Variants in SESN1 observed in about 807,000 individuals in gnomAD.
SESN1 encodes the protein sestrin-1.
A neutral mutation model predicts 59.3 loss-of-function variants in SESN1; 30 were observed. The observed-to-expected ratio is 0.51, with a 90% CI of 0.38 to 0.69. The LOEUF (loss-of-function observed/expected upper bound fraction) is 0.69. SESN1 is among the 30% of genes least tolerant of loss of function. SESN1 has a pLI of 0.00. For missense variants in SESN1, 566 were observed against 673.0 expected, an observed-to-expected ratio of 0.84 and a Z score of 1.76; for synonymous variants, 197 against 219.9, an observed-to-expected ratio of 0.90 and a Z score of 0.92.
intron 1 of SESN1, among the ~76,000 whole-genome samples, chr6:109,016,854 C>T (rs931717074): frequency 9.9e-5 from 15 of 151,956 alleles, no homozygotes; most frequent in Non-Finnish European, 1.8e-4. Context: ...ATATGATTTT[C>T]TTAATTTTTG....
At chr6:109,092,347 G>A (rs986917341) in intron 1 of SESN1, among the ~76,000 whole-genome samples, 3 of 152,126 alleles carry the variant, frequency 2.0e-5, no homozygotes, top group Admixed American at 6.5e-5. Flanking sequence ...TGGAATTTGA[G>A]CCCAACTCTG....
chr6:109,055,342 G>T (rs1201821928), intron 1 of SESN1, among the ~76,000 whole-genome samples: 3 of 152,002 alleles, frequency 2.0e-5, no homozygotes, highest in East Asian at 3.9e-4. Flanking sequence ...ATGTAGTTTG[G>T]TATTAATTAA....
In SESN1 at chr6:109,070,688, T is replaced by C. The variant is rs560451761; in HGVS notation, c.279+23107A>G. Among the ~76,000 whole-genome samples, 269 of 152,318 alleles carry C rather than the reference T, an allele frequency of 1.8e-3. 2 individuals are homozygous for C. Among genetic ancestry groups the C allele is most frequent in the Non-Finnish European group, 2.5e-3 (170 of 68,032 alleles). On this transcript the variant is annotated intron_variant, in intron 1 of 9. Transcript: ENST00000436639. ...TCACTTTAAATCAAAAATCTGAAAATGTAATCTCCAACCTAAAGGATTTTA... is the reference window on the plus strand; with the variant it reads ...TCACTTTAAATCAAAAATCTGAAAACGTAATCTCCAACCTAAAGGATTTTA...
rs912825996 is a variant in SESN1, at chr6:108,986,288, A to G, written c.*1256T>C. On this transcript the variant is annotated 3_prime_UTR_variant, in exon 10 of 10. Transcript: ENST00000436639. ...ATGGTCTCAGATAAGATTCTAAAGA[A>G]AGTCCACTCCTCTTTGTATGTTTCA... is the stretch of plus-strand genomic sequence containing the variant. The G allele has an allele frequency of 6.6e-5, 10 of 152,432 alleles. No individual in the cohort carries two copies. Among genetic ancestry groups the G allele is most frequent in the African/African-American group, 2.2e-4 (9 of 41,456 alleles). 9.4% of individuals were successfully genotyped at this position (152,432 alleles called of 1,614,324 possible). A position where few individuals can be genotyped will look rare whatever the true frequency, so the allele number is the denominator to read the frequency against.
intron 1 of SESN1, among the ~76,000 whole-genome samples, chr6:109,082,415 T>A (rs1781138939): frequency 6.6e-6 from 1 of 152,032 alleles, no homozygotes; most frequent in Non-Finnish European, 1.5e-5. Flanking sequence ...CTTAAGGAGG[T>A]TATGTAACTT....
In SESN1 at chr6:108,988,143, T is replaced by C. The variant is rs184999074; in HGVS notation, c.1569+400A>G. Among the ~76,000 whole-genome samples the C allele has an allele frequency of 3.2e-4, 48 of 152,348 alleles. No individual in the cohort carries two copies. In the East Asian group the frequency reaches 6.0e-3, roughly 19 times the overall value. ...GCTTTCATTTATATTTTATCATGTT[T>C]CTTGGAGGTTTGTTACATGTCAGAA... On this transcript the variant is annotated intron_variant, in intron 9 of 9. Coordinates refer to ENST00000436639, the MANE Select transcript of SESN1 (RefSeq NM_014454.3).
chr6:109,024,877 T>C (rs1780065648), intron 1 of SESN1, among the ~76,000 whole-genome samples: 1 of 152,226 alleles, frequency 6.6e-6, no homozygotes, highest in Non-Finnish European at 1.5e-5. Flanking sequence ...AAACAATTGT[T>C]AAGTGGAACT....
At chr6:109,068,500 AAAGT>A (rs1780872788) in intron 1 of SESN1, among the ~76,000 whole-genome samples, 1 of 152,202 alleles carries the variant, frequency 6.6e-6, no homozygotes, top group African/African-American at 2.4e-5. Context: ...TCCAAGATAT[AAAGT>A]AAAAAGACAA....
At chr6:109,034,275 A>C (rs1780222792) in intron 1 of SESN1, among the ~76,000 whole-genome samples, 1 of 152,152 alleles carries the variant, frequency 6.6e-6, no homozygotes. Context: ...TTAGGTATTG[A>C]TGTATTTTTT....
chr6:108,991,938 T>C (rs986219774), intron 7 of SESN1, among the ~76,000 whole-genome samples: 2 of 152,198 alleles, frequency 1.3e-5, no homozygotes, highest in Non-Finnish European at 2.9e-5. Flanking sequence ...AGCTTAATTA[T>C]TGTCTAGTCT....
chr6:109,090,851 C>T (rs1282777460), intron 1 of SESN1, among the ~76,000 whole-genome samples: 3 of 152,172 alleles, frequency 2.0e-5, no homozygotes, highest in Non-Finnish European at 4.4e-5. Context: ...CTCACTGCAA[C>T]CTCGAACTCT....
intron 1 of SESN1, among the ~76,000 whole-genome samples, chr6:109,060,016 T>A (rs2114453430): frequency 6.6e-6 from 1 of 152,250 alleles, no homozygotes; most frequent in Non-Finnish European, 1.5e-5. Context: ...CTACAAATCA[T>A]CCCTTTAGTT....
chr6:109,066,889 G>A (rs992610389), intron 1 of SESN1, among the ~76,000 whole-genome samples: 1 of 130,908 alleles, frequency 7.6e-6, no homozygotes, highest in African/African-American at 3.2e-5. Context: ...AAACGTTGAA[G>A]TAACAGATGC....
rs536022468 is a variant in SESN1 at position 109,094,045 on chromosome 6, C to T, written c.29G>A (p.Trp10Ter). ...TGAATCTCTGCTGCAGAGTCCATCC[C>T]ATCTCACTTCATTCTCTCCTTCAGC... MAEGENEVRWDGLCSRDSTT... is the reference protein window; with the variant it reads MAEGENEVR Residue 10 changes from tryptophan (W) to a stop codon, truncating the protein, a stop_gained, in exon 1 of 10, where the codon TGG becomes TAG. Coordinates refer to ENST00000436639, the MANE Select transcript of SESN1 (RefSeq NM_014454.3). LOFTEE classifies it high-confidence loss of function. 2 of 1,614,026 alleles carry T rather than the reference C, an allele frequency of 1.2e-6. No individual in the cohort carries two copies. Among genetic ancestry groups the T allele is most frequent in the African/African-American group, 2.7e-5 (2 of 75,048 alleles).
chr6:109,033,435 G>C (rs551648247), intron 1 of SESN1, among the ~76,000 whole-genome samples: 1 of 152,282 alleles, frequency 6.6e-6, no homozygotes, highest in African/African-American at 2.4e-5. Flanking sequence ...GGTTTTGATG[G>C]AGATGCTTAT....
At position 109,000,613 on chromosome 6, in the gene SESN1, C is replaced by T; in HGVS notation, c.607G>A (p.Val203Ile). 1 of 1,611,846 alleles carries T rather than the reference C, an allele frequency of 6.2e-7. No homozygotes were observed. The highest frequency in any genetic ancestry group is 8.5e-7 in the Non-Finnish European group (1 of 1,178,770). The change falls in exon 4 of 10, where the codon GTT (valine) becomes ATT (isoleucine). Residue 203 changes from valine (V) to isoleucine (I), a missense_variant. Physicochemically the swap from Val to Ile is conservative, Grantham distance 29 (BLOSUM62 3). Coordinates refer to ENST00000436639, the MANE Select transcript of SESN1 (RefSeq NM_014454.3). ...VNLHVNDFLH[V>I]GGDPKWLNGL... is the part of the protein sequence containing the mutation. The stretch of plus-strand genomic sequence containing the variant: ...TTGAGCCACTTGGGGTCCCCACCAA[C>T]ATGAAGGAAATCATTTACATGCAGG...
At chr6:109,052,350 A>C in intron 1 of SESN1, among the ~76,000 whole-genome samples, 1 of 152,218 alleles carries the variant, frequency 6.6e-6, no homozygotes. Flanking sequence ...AAAAGTGAAG[A>C]CTATATTGAT....
intron 1 of SESN1, among the ~76,000 whole-genome samples, chr6:109,076,716 G>C (rs1781037846): frequency 6.6e-6 from 1 of 152,114 alleles, no homozygotes; most frequent in African/African-American, 2.4e-5. Flanking sequence ...GTTTGGGATA[G>C]AGGCAGTGTA....
intron 1 of SESN1, among the ~76,000 whole-genome samples, chr6:109,070,128 T>C (rs1297121023): frequency 6.6e-6 from 1 of 152,166 alleles, no homozygotes; most frequent in Non-Finnish European, 1.5e-5. Context: ...TTGAACAAAA[T>C]ACTTTCACGT....
Sources: allele counts gnomAD v4.1 joint callset (sites outside exome capture counted in the v4.1 genomes callset), GRCh38; gene constraint gnomAD v4.1.1; transcripts MANE v1.5; gene names NCBI Gene and HGNC (gene_info 2026-07-23, HGNC 2026-07-21).